Variants in BTBD16 observed in about 807,000 individuals in gnomAD.
BTBD16 encodes BTB/POZ domain-containing protein 16.
In BTBD16, 66 loss-of-function variants were observed where a neutral mutation model predicts 67.4. The ratio of observed to expected loss-of-function variants is 0.98; its 90% CI spans 0.80 to 1.20. The LOEUF is 1.20. Among genes scored for constraint, BTBD16 ranks in the 50% most tolerant of loss-of-function variants. The pLI, the probability that BTBD16 is intolerant of heterozygous loss-of-function variation, is 0.00. For synonymous variants in BTBD16, 242 were observed against 236.4 expected, an observed-to-expected ratio of 1.02 and a Z score of -0.22; for missense variants, 634 against 616.0, an observed-to-expected ratio of 1.03 and a Z score of -0.31.
At chr10:122,320,847 A>T (rs2096434220) in intron 10 of BTBD16, among the ~76,000 whole-genome samples, 1 of 152,080 alleles carries the variant, frequency 6.6e-6, no homozygotes, top group African/African-American at 2.4e-5. Flanking sequence ...TTTTATGTCT[A>T]TTTTTAAAAA....
intron 3 of BTBD16, among the ~76,000 whole-genome samples, chr10:122,280,989 T>C (rs1389828842): frequency 6.6e-6 from 1 of 152,120 alleles, no homozygotes; most frequent in Non-Finnish European, 1.5e-5. Flanking sequence ...TAATGTTTTG[T>C]AGAGATGGGG....
At chr10:122,296,849 G>A (rs2096384190) in intron 7 of BTBD16, among the ~76,000 whole-genome samples, 3 of 152,218 alleles carry the variant, frequency 2.0e-5, no homozygotes, top group African/African-American at 7.2e-5. Context: ...AGAGAGAGGG[G>A]ACAGTGTGGA....
In BTBD16 at chr10:122,298,933, G is replaced by A; in HGVS notation, c.661-71G>A. The A allele has an allele frequency of 2.5e-6, 4 of 1,586,286 alleles. No individual in the cohort carries two copies. In the South Asian group the frequency reaches 4.6e-5, roughly 18 times the overall value. Reference sequence around the variant, plus strand: ...CTCTCCCTCTGAGCACACGTGTAGTGTCGTCTCAGGCCAGCAGAGGGTGCC... The same window carrying A: ...CTCTCCCTCTGAGCACACGTGTAGTATCGTCTCAGGCCAGCAGAGGGTGCC... On this transcript the variant is annotated intron_variant, in intron 8 of 15. Coordinates refer to ENST00000260723, the MANE Select transcript of BTBD16 (RefSeq NM_144587.5).
At position 122,272,918 on chromosome 10, in the gene BTBD16, C is replaced by T. The variant is rs1167942509; in HGVS notation, c.-43+1404C>T. Among the ~76,000 whole-genome samples the T allele has an allele frequency of 2.6e-5, 4 of 152,036 alleles. No homozygotes were observed. The East Asian group carries it at 5.8e-4, about 22-fold the overall frequency. Reference sequence around the variant, plus strand: ...CAGTTTTCAGAAAAGAAAAATTAAACAGCCAATAAATAGATAAAAGAATGC... The same window carrying T: ...CAGTTTTCAGAAAAGAAAAATTAAATAGCCAATAAATAGATAAAAGAATGC... On this transcript the variant is annotated intron_variant, in intron 1 of 15. Transcript: ENST00000260723.
At chr10:122,282,581 A>T (rs1033937498) in intron 3 of BTBD16, among the ~76,000 whole-genome samples, 2 of 152,228 alleles carry the variant, frequency 1.3e-5, no homozygotes, top group African/African-American at 4.8e-5. Flanking sequence ...GCTTTCTGGG[A>T]TGACTGTCTT....
At chr10:122,285,816 G>A (rs1465994423) in intron 4 of BTBD16, among the ~76,000 whole-genome samples, 1 of 152,126 alleles carries the variant, frequency 6.6e-6, no homozygotes, top group African/African-American at 2.4e-5. Flanking sequence ...CCACATTGGA[G>A]GGCAGCACAA....
intron 10 of BTBD16, among the ~76,000 whole-genome samples, chr10:122,319,459 C>T (rs2096431945): frequency 6.6e-6 from 1 of 152,128 alleles, no homozygotes; most frequent in African/African-American, 2.4e-5. Context: ...TCCAATTATT[C>T]AGTATGATGT....
chr10:122,334,750 G>T, intron 13 of BTBD16, 131 bp from the exon 14 acceptor site: 3 of 535,248 alleles, frequency 5.6e-6, no homozygotes, highest in South Asian at 1.9e-5. Context: ...TTGAACTCCT[G>T]ACCTCAGATG....
At chr10:122,284,803 G>A (rs2096360416) in intron 4 of BTBD16, among the ~76,000 whole-genome samples, 1 of 151,396 alleles carries the variant, frequency 6.6e-6, no homozygotes, top group South Asian at 2.1e-4. Flanking sequence ...AACAGGAGAA[G>A]TAGTCTGAGA....
chr10:122,283,976 C>T, intron 4 of BTBD16, 52 bp downstream of exon 4: 2 of 1,387,552 alleles, frequency 1.4e-6, no homozygotes, highest in Non-Finnish European at 1.0e-6. Flanking sequence ...ATTTCAGGGG[C>T]ATCTTGTGGT....
intron 11 of BTBD16, among the ~76,000 whole-genome samples, chr10:122,330,628 CA>C (rs201105325): frequency 0.017 from 2,615 of 152,272 alleles, 35 homozygotes; most frequent in Middle Eastern, 0.058. Flanking sequence ...GTAGTATAGA[CA>C]TTTTTTTAAA....
In BTBD16 at chr10:122,291,172, C is replaced by T. The variant is rs749334573; in HGVS notation, c.568C>T (p.Gln190Ter). The change falls in exon 7 of 16, where the codon CAG (glutamine) becomes TAG (stop). Residue 190 changes from glutamine to a stop codon, truncating the protein, a stop_gained. Coordinates refer to ENST00000260723, the MANE Select transcript of BTBD16 (RefSeq NM_144587.5). LOFTEE classifies it high-confidence loss of function. ...AGTGCTGGCTTCCGCCCACATCCTC[C>T]AGTTCAGTGGCCTGTTTCAAAGGTA... ...LGVLASAHIL[Q>*]FSGLFQRCVD... 1.9e-6 allele frequency: 3 copies of T among 1,613,584 alleles called. No homozygotes were observed. The highest frequency in any genetic ancestry group is 1.7e-5 in the Admixed American group (1 of 59,948).
rs1336919055 is a variant in BTBD16, at chr10:122,295,302, C to T, written c.591-2466C>T. ...CTGAGCCTGGAAGAATTACAGCAGT[C>T]AAAGGGGGAGAAAGAGGGGACAGGG... On this transcript the variant is annotated intron_variant, in intron 7 of 15. Transcript: ENST00000260723. 6 of 985,230 alleles carry T rather than the reference C, an allele frequency of 6.1e-6. No homozygotes were observed. In the African/African-American group the frequency reaches 7.0e-5, roughly 11 times the overall value. 61.0% of individuals were successfully genotyped at this position (985,230 alleles called of 1,614,324 possible). A position where few individuals can be genotyped will look rare whatever the true frequency, so the allele number is the denominator to read the frequency against.
intron 3 of BTBD16, among the ~76,000 whole-genome samples, chr10:122,280,742 T>C (rs2096351228): frequency 1.3e-5 from 2 of 152,120 alleles, no homozygotes; most frequent in Non-Finnish European, 2.9e-5. Flanking sequence ...GGAACAGGCA[T>C]TGCAATGCAA....
intron 9 of BTBD16, among the ~76,000 whole-genome samples, chr10:122,305,862 A>C (rs563278399): frequency 6.6e-6 from 1 of 152,252 alleles, no homozygotes; most frequent in Admixed American, 6.5e-5. Context: ...TTCCTGTGTC[A>C]ATTTGCTTAG....
intron 15 of BTBD16, 46 bp from the exon 16 acceptor site, chr10:122,337,971 G>A (rs375276307): frequency 1.3e-6 from 2 of 1,519,530 alleles, no homozygotes; most frequent in East Asian, 2.3e-5. Flanking sequence ...GGGCAATTGT[G>A]TTCATCCTAA....
At chr10:122,302,184 C>T (rs995639716) in intron 9 of BTBD16, among the ~76,000 whole-genome samples, 13 of 152,232 alleles carry the variant, frequency 8.5e-5, no homozygotes, top group African/African-American at 3.1e-4. Context: ...GTCCCTCGAG[C>T]TCATCTTCCT....
chr10:122,278,620 T>C (rs2096345869), intron 3 of BTBD16, among the ~76,000 whole-genome samples: 1 of 152,216 alleles, frequency 6.6e-6, no homozygotes, highest in African/African-American at 2.4e-5. Context: ...TTTATTTCAC[T>C]CTGCCTCCTT....
chr10:122,307,085 TGTG>T (rs1486615490), intron 9 of BTBD16, 101 bp from the exon 10 acceptor site: 2 of 1,331,716 alleles, frequency 1.5e-6, no homozygotes, highest in Admixed American at 2.6e-5. Flanking sequence ...CAGACTCAAA[TGTG>T]GTGTCACCTC....
Sources: allele counts gnomAD v4.1 joint callset (sites outside exome capture counted in the v4.1 genomes callset), GRCh38; gene constraint gnomAD v4.1.1; transcripts MANE v1.5; gene names NCBI Gene and HGNC (gene_info 2026-07-23, HGNC 2026-07-21).